Variants in PPP3CA observed in about 807,000 individuals in gnomAD.
PPP3CA encodes protein phosphatase 3 catalytic subunit alpha.
A neutral mutation model predicts 66.5 loss-of-function variants in PPP3CA; 14 were observed. The ratio of observed to expected loss-of-function variants is 0.21; its 90% confidence interval spans 0.14 to 0.33. The LOEUF is 0.33. Ranked by LOEUF, PPP3CA falls within the 10% of genes least tolerant of loss-of-function variation. The pLI is 1.00. For missense variants in PPP3CA, 317 were observed against 639.5 expected (o/e 0.50, Z 5.44); for synonymous variants, 232 against 226.2 (o/e 1.03, Z -0.23).
chr4:101,164,935 A>C (rs1723643643), intron 2 of PPP3CA, among the ~76,000 whole-genome samples: 1 of 152,136 alleles, frequency 6.6e-6, no homozygotes, highest in African/African-American at 2.4e-5. Flanking sequence ...GCATATATAC[A>C]TATATAATTT....
chr4:101,216,070 G>A (rs1403682983), intron 1 of PPP3CA, among the ~76,000 whole-genome samples: 2 of 152,058 alleles, frequency 1.3e-5, no homozygotes, highest in Non-Finnish European at 2.9e-5. Context: ...TTTATTCCAA[G>A]ATTTAATATC....
intron 1 of PPP3CA, among the ~76,000 whole-genome samples, chr4:101,284,354 G>T (rs938905168): frequency 6.6e-6 from 1 of 151,500 alleles, no homozygotes. Flanking sequence ...CTGGGTCACA[G>T]AATCATGGAA....
chr4:101,322,319 G>T (rs1277071028), intron 1 of PPP3CA, among the ~76,000 whole-genome samples: 1 of 152,008 alleles, frequency 6.6e-6, no homozygotes, highest in African/African-American at 2.4e-5. Context: ...AGGTCATGAG[G>T]CCAGACACTC....
rs1468016110 is a variant in PPP3CA at position 101,233,170 on chromosome 4, T to C, written c.59-37054A>G. Among the ~76,000 whole-genome samples the C allele has an allele frequency of 2.6e-5, 4 of 151,818 alleles. No homozygotes were observed. The South Asian group carries it at 6.2e-4, about 24-fold the overall frequency. ...TAGAAAGAATTTGAAAATGTACAGA[T>C]ACAAAGAATAGCTGTCTAGACACAT... is the stretch of plus-strand genomic sequence containing the variant. On this transcript the variant is annotated intron_variant, in intron 1 of 13. Transcript: ENST00000394854.
intron 2 of PPP3CA, among the ~76,000 whole-genome samples, chr4:101,131,093 G>A (rs959979253): frequency 3.9e-5 from 6 of 151,932 alleles, no homozygotes; most frequent in African/African-American, 1.2e-4. Context: ...AAATATTAGT[G>A]GGGCATGGTG....
intron 1 of PPP3CA, among the ~76,000 whole-genome samples, chr4:101,312,031 TAATG>T (rs564682815): frequency 6.0e-4 from 91 of 152,322 alleles, no homozygotes; most frequent in African/African-American, 2.1e-3. Context: ...AGTTGACATT[TAATG>T]AATGCCTACT....
chr4:101,287,943 C>T (rs185656859), intron 1 of PPP3CA, among the ~76,000 whole-genome samples: 14 of 151,064 alleles, frequency 9.3e-5, no homozygotes, highest in Admixed American at 4.6e-4. Flanking sequence ...CTGCATCATA[C>T]CATTTTTTTC....
chr4:101,091,605 TC>T, intron 6 of PPP3CA, among the ~76,000 whole-genome samples: 1 of 151,962 alleles, frequency 6.6e-6, no homozygotes, highest in Middle Eastern at 3.4e-3. Context: ...AAACTTTTTT[TC>T]CCCCATAAGA....
intron 1 of PPP3CA, among the ~76,000 whole-genome samples, chr4:101,295,586 C>G (rs1282213821): frequency 6.6e-6 from 1 of 152,148 alleles, no homozygotes; most frequent in African/African-American, 2.4e-5. Flanking sequence ...AAGACCATGT[C>G]TAGACAGAAT....
chr4:101,347,043 T>A lies in PPP3CA; in HGVS notation c.-247A>T. 1 of 582,830 alleles carries A rather than the reference T, an allele frequency of 1.7e-6. No homozygotes were observed. Among genetic ancestry groups the A allele is most frequent in the Admixed American group, 3.1e-5 (1 of 31,772 alleles). The allele number at this position is 582,830 out of a possible 1,614,324, so 36.1% of individuals were successfully genotyped here. On this transcript the variant is annotated 5_prime_UTR_variant, in exon 1 of 14. Transcript: ENST00000394854. ...CCAGCCCCGCCGACTCGCTCCGGGC[T>A]GCGCGTGTGTGGTGGTTATTTATTT... is the stretch of plus-strand genomic sequence containing the variant.
chr4:101,050,413 A>G (rs1727958281), intron 10 of PPP3CA, among the ~76,000 whole-genome samples: 1 of 152,134 alleles, frequency 6.6e-6, no homozygotes, highest in Non-Finnish European at 1.5e-5. Flanking sequence ...TTGTGCCTAG[A>G]ATAAAAGACC....
intron 1 of PPP3CA, among the ~76,000 whole-genome samples, chr4:101,209,063 T>C (rs145593473): frequency 6.6e-6 from 1 of 152,320 alleles, no homozygotes; most frequent in East Asian, 1.9e-4. Flanking sequence ...TCTGATATTC[T>C]TCAAAACAAA....
At chr4:101,317,624 C>T (rs1388372083) in intron 1 of PPP3CA, among the ~76,000 whole-genome samples, 1 of 152,114 alleles carries the variant, frequency 6.6e-6, no homozygotes, top group Admixed American at 6.5e-5. Context: ...ACTTGTCATA[C>T]CAAAAACTAC....
chr4:101,289,741 T>C (rs1727959672), intron 1 of PPP3CA, among the ~76,000 whole-genome samples: 1 of 152,196 alleles, frequency 6.6e-6, no homozygotes, highest in African/African-American at 2.4e-5. Context: ...CCTTTCATTT[T>C]ACATTAAATT....
intron 6 of PPP3CA, among the ~76,000 whole-genome samples, chr4:101,086,425 C>G (rs1395749114): frequency 6.6e-6 from 1 of 152,006 alleles, no homozygotes; most frequent in Non-Finnish European, 1.5e-5. Flanking sequence ...TAGATTAATT[C>G]TGTTTATTCT....
intron 2 of PPP3CA, among the ~76,000 whole-genome samples, chr4:101,125,212 C>A (rs185448906): frequency 6.6e-6 from 1 of 152,274 alleles, no homozygotes; most frequent in Admixed American, 6.5e-5. Flanking sequence ...CATATCTTTC[C>A]CTCATAAAAT....
Position 101,025,846 on chromosome 4 carries a change from A to AAATTT in PPP3CA, c.*18_*19insAAATT. 7.0e-7 allele frequency: 1 copy of AAATTT among 1,419,286 alleles called. No individual in the cohort carries two copies. The highest frequency in any genetic ancestry group is 9.4e-7 in the Non-Finnish European group (1 of 1,068,096). The allele number at this position is 1,419,286 out of a possible 1,614,324, so 87.9% of individuals were successfully genotyped here. On this transcript the variant is annotated 3_prime_UTR_variant, in exon 14 of 14. Coordinates refer to ENST00000394854, the MANE Select transcript of PPP3CA (RefSeq NM_000944.5). The stretch of plus-strand genomic sequence containing the variant: ...AAAAAAAAAAAAAAAAAAAAAAAAA[A>AAATTT]AAAGTGAACAGGAAGTGGTCACTGA...
At chr4:101,289,480 C>G (rs1727950308) in intron 1 of PPP3CA, among the ~76,000 whole-genome samples, 1 of 152,178 alleles carries the variant, frequency 6.6e-6, no homozygotes, top group Non-Finnish European at 1.5e-5. Context: ...TTCCGCTATT[C>G]TCTTTTTGGA....
intron 2 of PPP3CA, among the ~76,000 whole-genome samples, chr4:101,136,605 T>A (rs1337073452): frequency 6.6e-6 from 1 of 151,818 alleles, no homozygotes; most frequent in East Asian, 1.9e-4. Context: ...TAACAAGGAT[T>A]TTGTTGCTGG....
Sources: allele counts gnomAD v4.1 joint callset (sites outside exome capture counted in the v4.1 genomes callset), GRCh38; gene constraint gnomAD v4.1.1; transcripts MANE v1.5; gene names NCBI Gene and HGNC (gene_info 2026-07-23, HGNC 2026-07-21).